The following MCAT variants were observed in gnomAD, a reference collection of about 807,000 sequenced individuals.
The protein encoded by MCAT is malonyl-CoA-acyl carrier protein transacylase.
A neutral mutation model predicts 22.9 loss-of-function variants in MCAT; 22 were observed. That is an observed-to-expected ratio of 0.96 (90% CI 0.69 to 1.37). The LOEUF (loss-of-function observed/expected upper bound fraction) is 1.37. Ranked by LOEUF, MCAT falls within the 40% of genes most tolerant of loss-of-function variation. The probability of loss-of-function intolerance (pLI) is 0.00; values close to 1 mark genes in which losing one functional copy is unlikely to be tolerated. For missense variants in MCAT, 534 were observed against 533.6 expected (o/e 1.00, Z -0.01); for synonymous variants, 240 against 233.9 (o/e 1.03, Z -0.24).
At chr22:43,141,908 G>C (rs1044415174) in intron 1 of MCAT, among the ~76,000 whole-genome samples, 6 of 152,186 alleles carry the variant, frequency 3.9e-5, no homozygotes, top group Non-Finnish European at 8.8e-5. Context: ...TGTGAAATGA[G>C]GGAAGAACAG....
intron 2 of MCAT, 46 bp downstream of exon 2, chr22:43,141,116 G>A: frequency 1.9e-6 from 3 of 1,546,220 alleles, no homozygotes; most frequent in Non-Finnish European, 2.7e-6. Context: ...TACCCCTAAT[G>A]AGCCCAAGAC....
At chr22:43,136,533 T>C (rs1191059708) in intron 3 of MCAT, among the ~76,000 whole-genome samples, 2 of 152,230 alleles carry the variant, frequency 1.3e-5, no homozygotes, top group African/African-American at 4.8e-5. Flanking sequence ...AGACCCTCAC[T>C]GCACCCCTCG....
intron 2 of MCAT, among the ~76,000 whole-genome samples, chr22:43,137,739 T>TG (rs1452025045): frequency 6.6e-6 from 1 of 151,512 alleles, no homozygotes; most frequent in East Asian, 1.9e-4. Context: ...GCCACTGTTT[T>TG]TTTTTTTTTT....
chr22:43,142,780 A>AAT (rs898918205), intron 1 of MCAT, 146 bp downstream of exon 1: 2 of 942,230 alleles, frequency 2.1e-6, no homozygotes, highest in Admixed American at 3.7e-5. Flanking sequence ...GTCTCAAAAA[A>AAT]AAAAACAAAA....
At chr22:43,135,129 A>C (rs1166909174) in intron 3 of MCAT, among the ~76,000 whole-genome samples, 1 of 152,238 alleles carries the variant, frequency 6.6e-6, no homozygotes, top group Non-Finnish European at 1.5e-5. Flanking sequence ...GCCTTTTCAC[A>C]TCAGTTGTTG....
At chr22:43,139,517 T>C (rs756537668) in intron 2 of MCAT, among the ~76,000 whole-genome samples, 8 of 151,184 alleles carry the variant, frequency 5.3e-5, no homozygotes, top group Non-Finnish European at 1.0e-4. Context: ...CAGAGCAAGA[T>C]ACTGCCTCAA....
chr22:43,139,687 T>C (rs1930716176), intron 2 of MCAT, among the ~76,000 whole-genome samples: 1 of 151,880 alleles, frequency 6.6e-6, no homozygotes, highest in East Asian at 1.9e-4. Flanking sequence ...AAGTGATTCT[T>C]GTGCCTCAGC....
chr22:43,140,279 G>C (rs1930732699), intron 2 of MCAT, among the ~76,000 whole-genome samples: 1 of 152,204 alleles, frequency 6.6e-6, no homozygotes, highest in South Asian at 2.1e-4. Context: ...AGGGGCTCAA[G>C]TGATCTTCCC....
At chr22:43,137,469 C>T (rs957517489) in intron 2 of MCAT, among the ~76,000 whole-genome samples, 171 bp from the exon 3 acceptor site, 3 of 152,226 alleles carry the variant, frequency 2.0e-5, no homozygotes, top group African/African-American at 7.2e-5. Flanking sequence ...TGCACAAGCG[C>T]TCACCACCAA....
chr22:43,132,778 C>A lies in MCAT; in HGVS notation c.*265G>T. 4 of 484,412 alleles carry A rather than the reference C, an allele frequency of 8.3e-6. No individual in the cohort carries two copies. Among genetic ancestry groups the A allele is most frequent in the Non-Finnish European group, 1.5e-5 (4 of 266,594 alleles). The allele number at this position is 484,412 out of a possible 1,614,324, so 30.0% of individuals were successfully genotyped here. On this transcript the variant is annotated 3_prime_UTR_variant, in exon 4 of 4. Transcript: ENST00000290429. ...TGGTGCAGGGCTGGCAGAGGCGGGG[C>A]CAGGATTCTAGCTTCCCCACACACC...
At chr22:43,137,646 G>A (rs1336717021) in intron 2 of MCAT, among the ~76,000 whole-genome samples, 1 of 152,168 alleles carries the variant, frequency 6.6e-6, no homozygotes, top group African/African-American at 2.4e-5. Flanking sequence ...AGTGGGTAGA[G>A]TCCAGGGATG....
intron 2 of MCAT, among the ~76,000 whole-genome samples, chr22:43,138,909 C>G (rs1930693954): frequency 6.6e-6 from 1 of 152,210 alleles, no homozygotes; most frequent in African/African-American, 2.4e-5. Context: ...CCTGACATAT[C>G]TTCATTCACT....
At position 43,133,176 on chromosome 22, in the gene MCAT, T is replaced by G. The variant is rs780659059; in HGVS notation, c.1040A>C (p.Glu347Ala). 4 of 1,614,180 alleles carry G rather than the reference T, an allele frequency of 2.5e-6. No homozygotes were observed. In the Admixed American group the frequency reaches 6.7e-5, roughly 27 times the overall value. Reference sequence around the variant, plus strand: ...TCCCAGCTGCCTGCCAGGGCCTACTTCGAAAGTTTGGGGGAACCCCCTGCC... The same window carrying G: ...TCCCAGCTGCCTGCCAGGGCCTACTGCGAAAGTTTGGGGGAACCCCCTGCC... ...KKGRGFPQTF[E>A]VGPGRQLGAI... Residue 347 changes from glutamate (E) to alanine (A), a missense_variant, in exon 4 of 4, where the codon GAA (glutamate) becomes GCA (alanine). Glu to Ala is a moderately radical substitution (Grantham distance 107). Transcript: ENST00000290429.
chr22:43,136,407 GCT>G (rs1326517409), intron 3 of MCAT, among the ~76,000 whole-genome samples: 1 of 152,258 alleles, frequency 6.6e-6, no homozygotes, highest in African/African-American at 2.4e-5. Flanking sequence ...AGCACCCACT[GCT>G]CTTTCTGTAG....
chr22:43,142,785 A>C (rs575915893), intron 1 of MCAT, 141 bp downstream of exon 1: 21 of 931,240 alleles, frequency 2.3e-5, no homozygotes, highest in Admixed American at 1.9e-4. Context: ...AAAAAAAAAA[A>C]CAAAAACAAA....
intron 3 of MCAT, among the ~76,000 whole-genome samples, chr22:43,134,701 G>A (rs1351634913): frequency 6.6e-6 from 1 of 152,182 alleles, no homozygotes; most frequent in Non-Finnish European, 1.5e-5. Flanking sequence ...CTTGTGTGCT[G>A]TGACCACTGA....
rs752076736 is a variant in MCAT, at chr22:43,142,990, C to G, written c.359G>C (p.Cys120Ser). The change falls in exon 1 of 4, where the codon TGT (cysteine) becomes TCT (serine). Residue 120 changes from cysteine (C) to serine (S), a missense_variant. Cys to Ser is a moderately radical substitution (Grantham distance 112). Coordinates refer to ENST00000290429, the MANE Select transcript of MCAT (RefSeq NM_173467.5). ...CGATGCCACGAAGATCGCGGGCTGA[C>G]AGTGCACGGTGCGGTCCAGGGTCTC... is the stretch of plus-strand genomic sequence containing the variant. Reference protein sequence around the residue: ...PQETLDRTVHCQPAIFVASLA... With the variant: ...PQETLDRTVHSQPAIFVASLA... 3.1e-6 allele frequency: 5 copies of G among 1,603,928 alleles called. No homozygotes were observed. The highest frequency in any genetic ancestry group is 3.4e-6 in the Non-Finnish European group (4 of 1,175,724).
rs934602596 is a variant in MCAT, at chr22:43,142,524, T to C, written c.423+402A>G. Among the ~76,000 whole-genome samples the C allele has an allele frequency of 2.6e-5, 4 of 151,700 alleles. No homozygotes were observed. In the South Asian group the frequency reaches 6.2e-4, roughly 24 times the overall value. On this transcript the variant is annotated intron_variant, in intron 1 of 3. Coordinates refer to ENST00000290429, the MANE Select transcript of MCAT (RefSeq NM_173467.5). ...AAAACGGGCCGGGCACGGTGGCTCA[T>C]GCCTGTAATCCCAGCACTTTGGGAG...
intron 3 of MCAT, among the ~76,000 whole-genome samples, chr22:43,133,963 G>A (rs899589926): frequency 3.3e-5 from 5 of 151,902 alleles, no homozygotes; most frequent in Non-Finnish European, 7.4e-5. Context: ...CCGCCACCAC[G>A]CCCGGCTAAT....
Sources: gnomAD v4.1 joint callset for allele counts (sites outside exome capture counted in the v4.1 genomes callset) on GRCh38, gnomAD v4.1.1 for gene constraint, MANE v1.5 for transcripts, NCBI Gene and HGNC (gene_info 2026-07-23, HGNC 2026-07-21) for gene names.